Variants in NRXN1 observed in about 807,000 individuals in gnomAD.
NRXN1 encodes the protein neurexin-1.
In NRXN1, 39 loss-of-function variants were observed where a neutral mutation model predicts 150.9. The ratio of observed to expected loss-of-function variants is 0.26; its 90% CI spans 0.20 to 0.34. The LOEUF (loss-of-function observed/expected upper bound fraction) is 0.34. Among genes scored for constraint, NRXN1 ranks in the 10% least tolerant of loss-of-function variants. The probability of loss-of-function intolerance (pLI) is 1.00; values close to 1 mark genes in which losing one functional copy is unlikely to be tolerated. For missense variants in NRXN1, 1,815 were observed against 1,949.9 expected, an observed-to-expected ratio of 0.93 and a Z score of 1.30; for synonymous variants, 924 against 757.0, an observed-to-expected ratio of 1.22 and a Z score of -3.62.
chr2:50,496,798 C>T (rs1341072882), intron 14 of NRXN1, among the ~76,000 whole-genome samples: 1 of 152,126 alleles, frequency 6.6e-6, no homozygotes, highest in East Asian at 1.9e-4. Flanking sequence ...CCAATATTTG[C>T]AGAATGAGTG....
chr2:50,448,622 A>C (rs2086681874), intron 17 of NRXN1, among the ~76,000 whole-genome samples: 2 of 152,196 alleles, frequency 1.3e-5, no homozygotes, highest in Admixed American at 6.5e-5. Context: ...TTTTTACTAA[A>C]CTAAAATGCA....
At chr2:50,320,283 CATATAT>C (rs61282635) in intron 17 of NRXN1, among the ~76,000 whole-genome samples, 1,331 of 42,934 alleles carry the variant, frequency 0.031, 22 homozygotes, top group Non-Finnish European at 0.048. Context: ...ATACCTCAAT[CATATAT>C]ATATATATAT....
chr2:51,012,912 C>G (rs1200538674), intron 2 of NRXN1, among the ~76,000 whole-genome samples: 1 of 151,992 alleles, frequency 6.6e-6, no homozygotes, highest in African/African-American at 2.4e-5. Flanking sequence ...TTTCTGCCCT[C>G]TAATCTCATC....
chr2:50,517,636 C>T (rs10176705), intron 12 of NRXN1, among the ~76,000 whole-genome samples: 48,054 of 151,922 alleles, frequency 0.32, 8,579 homozygotes, highest in Middle Eastern at 0.51. Context: ...ACAGCTTTTT[C>T]GCTCAGTTAC....
At chr2:50,269,468 C>T (rs1239006265) in intron 17 of NRXN1, among the ~76,000 whole-genome samples, 1 of 152,194 alleles carries the variant, frequency 6.6e-6, no homozygotes, top group Admixed American at 6.5e-5. Flanking sequence ...TTTCAAAATA[C>T]TTACAAGGCA....
chr2:50,892,265 T>C lies in NRXN1; in HGVS notation c.832+29604A>G, dbSNP rs1413441644. Among the ~76,000 whole-genome samples, 2 of 152,134 alleles carry C rather than the reference T, an allele frequency of 1.3e-5. 1 individual carries two copies. Among genetic ancestry groups the C allele is most frequent in the South Asian group, 4.1e-4 (2 of 4,830 alleles). On this transcript the variant is annotated intron_variant, in intron 5 of 22. Transcript: ENST00000401669. ...CATGGCATTTATTAAGTCTGCTTCA[T>C]TAAATGAAGTTTTGAGAATGGAAAT... is the stretch of plus-strand genomic sequence containing the variant.
At chr2:50,800,574 A>G (rs1360442836) in intron 5 of NRXN1, among the ~76,000 whole-genome samples, 1 of 152,008 alleles carries the variant, frequency 6.6e-6, no homozygotes, top group African/African-American at 2.4e-5. Flanking sequence ...TTTAAGACAA[A>G]GTTTCACTCT....
intron 18 of NRXN1, among the ~76,000 whole-genome samples, chr2:50,113,828 G>C (rs1331579124): frequency 1.3e-5 from 2 of 152,096 alleles, no homozygotes; most frequent in Non-Finnish European, 2.9e-5. Flanking sequence ...AAACTCCCAA[G>C]TTTCAGTTAT....
intron 17 of NRXN1, among the ~76,000 whole-genome samples, chr2:50,377,877 G>A (rs1520447): frequency 0.25 from 37,598 of 152,046 alleles, 4,942 homozygotes; most frequent in East Asian, 0.43. Context: ...ATGGAAAGTG[G>A]GAAGGAGGGG....
chr2:50,875,600 A>G (rs181706543), intron 5 of NRXN1, among the ~76,000 whole-genome samples: 2 of 151,716 alleles, frequency 1.3e-5, no homozygotes, highest in Non-Finnish European at 2.9e-5. Flanking sequence ...ACCAATTACA[A>G]TAGGCCTTAA....
intron 5 of NRXN1, among the ~76,000 whole-genome samples, chr2:50,667,730 C>A (rs1257401415): frequency 1.3e-5 from 2 of 151,932 alleles, no homozygotes; most frequent in Non-Finnish European, 2.9e-5. Context: ...CCCTTCTTAT[C>A]TTTACCACCT....
In NRXN1 at chr2:50,091,317, G is replaced by C. The variant is rs758318501; in HGVS notation, c.3718+6C>G. On this transcript the variant is annotated splice_donor_region_variant and intron_variant, in intron 19 of 22. Coordinates refer to ENST00000401669, the MANE Select transcript of NRXN1 (RefSeq NM_001330078.2). ...ATCTTCCCCCGATACATATTCACTT[G>C]CTTACCTGCAGGGTAGCGCTCGATC... The C allele has an allele frequency of 3.1e-6, 5 of 1,614,012 alleles. No homozygotes were observed. The Admixed American group carries it at 5.0e-5, about 16-fold the overall frequency.
intron 15 of NRXN1, among the ~76,000 whole-genome samples, chr2:50,488,309 A>C (rs1199198703): frequency 1.3e-5 from 2 of 152,168 alleles, no homozygotes; most frequent in African/African-American, 4.8e-5. Flanking sequence ...GTCTTGATCA[A>C]ATGTACTCTT....
In NRXN1 at chr2:50,514,700, G is replaced by C. The variant is rs540726353; in HGVS notation, c.2375-8083C>G. On this transcript the variant is annotated intron_variant, in intron 12 of 22. Coordinates refer to ENST00000401669, the MANE Select transcript of NRXN1 (RefSeq NM_001330078.2). The stretch of plus-strand genomic sequence containing the variant: ...AATGGAGTGGCTGTGTTTCAGTAAA[G>C]CTTCATTAAAACAGGGAGCTAGCTT... 2.0e-5 allele frequency among the ~76,000 whole-genome samples: 3 copies of C among 152,262 alleles called. No homozygotes were observed. The East Asian group carries it at 5.8e-4, about 29-fold the overall frequency.
At chr2:50,910,548 A>C (rs766707550) in intron 5 of NRXN1, among the ~76,000 whole-genome samples, 8 of 151,890 alleles carry the variant, frequency 5.3e-5, no homozygotes, top group Non-Finnish European at 8.8e-5. Context: ...GTGCAACAAG[A>C]TTTCCTCAGC....
At chr2:50,269,013 T>C (rs1278048197) in intron 17 of NRXN1, among the ~76,000 whole-genome samples, 1 of 151,912 alleles carries the variant, frequency 6.6e-6, no homozygotes, top group African/African-American at 2.4e-5. Context: ...CAGATAAGAG[T>C]CGCTTAATTT....
chr2:50,633,423 G>C (rs1682700641), intron 5 of NRXN1, among the ~76,000 whole-genome samples: 1 of 152,040 alleles, frequency 6.6e-6, no homozygotes, highest in South Asian at 2.1e-4. Context: ...AGTGTAATGA[G>C]AAATCATGCT....
In NRXN1 at chr2:49,922,098, T is replaced by C; in HGVS notation, c.4370A>G (p.Asn1457Ser). The C allele has an allele frequency of 6.2e-7, 1 of 1,614,132 alleles. No homozygotes were observed. The highest frequency in any genetic ancestry group is 2.2e-5 in the East Asian group (1 of 44,852). Residue 1457 changes from asparagine (N) to serine (S), a missense_variant, in exon 23 of 23, where the codon AAC (asparagine) becomes AGC (serine). Asn to Ser is a conservative substitution (Grantham distance 46). Around this residue, in one of 6 missense-constraint regions of NRXN1, gnomAD observed 265 missense variants for 307.1 expected, o/e 0.86. Transcript: ENST00000401669. ...CACATGGTATGAGCCTTCATCCCGG[T>C]TTCTGTACTTGTACATGGCATAGAG... is the stretch of plus-strand genomic sequence containing the variant. ...ILLYAMYKYR[N>S]RDEGSYHVDE... is the part of the protein sequence containing the mutation.
intron 17 of NRXN1, among the ~76,000 whole-genome samples, chr2:50,305,659 A>G (rs2074546999): frequency 6.6e-6 from 1 of 152,228 alleles, no homozygotes; most frequent in African/African-American, 2.4e-5. Flanking sequence ...GTTGATTGCT[A>G]ATAAGCATAG....
Sources: allele counts gnomAD v4.1 joint callset (sites outside exome capture counted in the v4.1 genomes callset), GRCh38; gene constraint gnomAD v4.1.1; regional missense constraint gnomAD v4.1.1; transcripts MANE v1.5; gene names NCBI Gene and HGNC (gene_info 2026-07-23, HGNC 2026-07-21).